LSMEM1: variants seen among roughly 807,000 people sequenced by gnomAD.
LSMEM1 encodes leucine rich single-pass membrane protein 1.
LSMEM1 carries 10 observed loss-of-function variants against 11.3 expected under a neutral mutation model. That is an observed-to-expected ratio of 0.89 (90% CI 0.55 to 1.50). The LOEUF is 1.50. Among genes scored for constraint, LSMEM1 ranks in the 40% most tolerant of loss-of-function variants. LSMEM1 has a pLI of 0.00. For missense variants in LSMEM1, 151 were observed against 152.9 expected (o/e 0.99, Z 0.06); for synonymous variants, 65 against 59.3 (o/e 1.10, Z -0.44).
intron 3 of LSMEM1, 135 bp from the exon 4 acceptor site, chr7:112,489,675 C>A: frequency 1.1e-6 from 1 of 942,968 alleles, no homozygotes. Flanking sequence ...GGGCTTCTGG[C>A]ATGCATGGAT....
rs982587048 is a variant in LSMEM1 at position 112,481,261 on chromosome 7, A to G, written c.-91A>G. The G allele has an allele frequency of 1.3e-5, 2 of 154,570 alleles. No individual in the cohort carries two copies. Among genetic ancestry groups the G allele is most frequent in the Admixed American group, 6.6e-5 (1 of 15,154 alleles). 9.6% of individuals were successfully genotyped at this position (154,570 alleles called of 1,614,324 possible). ...AGAATTTGTAGAAAAGTTTTGTTGTAGTTGCTTCTGAACAATTAGTTTTTG... is the reference window on the plus strand; with the variant it reads ...AGAATTTGTAGAAAAGTTTTGTTGTGGTTGCTTCTGAACAATTAGTTTTTG... On this transcript the variant is annotated 5_prime_UTR_variant, in exon 1 of 4. Coordinates refer to ENST00000312849, the MANE Select transcript of LSMEM1 (RefSeq NM_182597.3).
At chr7:112,480,353 C>T (rs1281018925), upstream of LSMEM1, among the ~76,000 whole-genome samples, 1 of 152,172 alleles carries the variant, frequency 6.6e-6, no homozygotes, top group African/African-American at 2.4e-5. Flanking sequence ...CTGGGCAACA[C>T]AGCAAGACTC....
chr7:112,483,369 T>G (rs1296603206), intron 1 of LSMEM1: 2 of 152,202 alleles, frequency 1.3e-5, no homozygotes, highest in Non-Finnish European at 2.9e-5. Context: ...CTGCCTCCAA[T>G]TCTTTTGAAA....
At chr7:112,486,782 A>G (rs1283106845) in intron 2 of LSMEM1, 141 bp from the exon 3 acceptor site, 1 of 1,212,468 alleles carries the variant, frequency 8.2e-7, no homozygotes, top group Non-Finnish European at 1.1e-6. Flanking sequence ...TCTCAAAAAA[A>G]AAGAGTCACT....
chr7:112,484,623 C>T (rs1013607002), intron 1 of LSMEM1, among the ~76,000 whole-genome samples, 189 bp from the exon 2 acceptor site: 1 of 152,112 alleles, frequency 6.6e-6, no homozygotes, highest in Non-Finnish European at 1.5e-5. Flanking sequence ...GCAAAAAGAA[C>T]GATTACAAAG....
chr7:112,489,927 A>T lies in LSMEM1; in HGVS notation c.374A>T (p.Gln125Leu). 1 of 1,613,666 alleles carries T rather than the reference A, an allele frequency of 6.2e-7. No homozygotes were observed. Among genetic ancestry groups the T allele is most frequent in the African/African-American group, 1.3e-5 (1 of 75,018 alleles). Residue 125 changes from glutamine to leucine, a missense_variant, in exon 4 of 4, where the codon CAA becomes CTA. Physicochemically the swap from Gln to Leu is moderately radical, Grantham distance 113 (BLOSUM62 -2). Transcript: ENST00000312849. ...MIVKRLNQLN[Q>L]LDSEQN ...GTAAAGCGACTCAACCAACTCAACC[A>T]ACTGGACTCTGAACAAAACTAAAGG...
intron 1 of LSMEM1, among the ~76,000 whole-genome samples, chr7:112,484,199 C>T (rs1389647155): frequency 6.6e-6 from 1 of 152,170 alleles, no homozygotes; most frequent in African/African-American, 2.4e-5. Context: ...GTCTTGGGGA[C>T]TCACAGTCAG....
intron 2 of LSMEM1, among the ~76,000 whole-genome samples, chr7:112,485,707 G>T (rs1238811774): frequency 6.6e-6 from 1 of 151,704 alleles, no homozygotes; most frequent in African/African-American, 2.4e-5. Flanking sequence ...AGAAGTTTAG[G>T]TGTCAGCCCT....
chr7:112,489,699 AT>A, intron 3 of LSMEM1, 110 bp from the exon 4 acceptor site: 1 of 1,254,100 alleles, frequency 8.0e-7, no homozygotes, highest in African/African-American at 1.5e-5. Context: ...GGAACAGGGG[AT>A]TTGCCAAGAG....
At position 112,487,079 on chromosome 7, in the gene LSMEM1, A is replaced by G. The variant is rs756868050; in HGVS notation, c.256+28A>G. ...AAGTACCACCACAGGTTTCTTTTTT[A>G]TTACTTGTATGCATTTATTCATAGC... On this transcript the variant is annotated intron_variant, in intron 3 of 3. Transcript: ENST00000312849. The G allele has an allele frequency of 1.7e-5, 27 of 1,608,268 alleles. No homozygotes were observed. In the South Asian group the frequency reaches 2.8e-4, roughly 16 times the overall value.
chr7:112,480,716 T>C, upstream of LSMEM1: 1 of 434,700 alleles, frequency 2.3e-6, no homozygotes, highest in Non-Finnish European at 4.6e-6. Flanking sequence ...GTGGTGGGTC[T>C]GTATCCATGA....
chr7:112,480,889 G>T (rs570105543), upstream of LSMEM1: 3 of 456,228 alleles, frequency 6.6e-6, no homozygotes, highest in South Asian at 3.1e-5. Flanking sequence ...GGCAGCTTCC[G>T]CCTGCTACAG....
chr7:112,483,811 G>A (rs1418370377), intron 1 of LSMEM1, among the ~76,000 whole-genome samples: 1 of 152,172 alleles, frequency 6.6e-6, no homozygotes, highest in Non-Finnish European at 1.5e-5. Flanking sequence ...CGGAAAGGAT[G>A]GGAACTAAAG....
chr7:112,489,837 T>C lies in LSMEM1; in HGVS notation c.284T>C (p.Val95Ala). 1.2e-6 allele frequency: 2 copies of C among 1,613,556 alleles called. No individual in the cohort carries two copies. Among genetic ancestry groups the C allele is most frequent in the Non-Finnish European group, 1.7e-6 (2 of 1,179,848 alleles). Residue 95 changes from valine (V) to alanine (A), a missense_variant, in exon 4 of 4, where the codon GTG becomes GCG. Physicochemically the swap from Val to Ala is moderately conservative, Grantham distance 64. Transcript: ENST00000312849. ...CAAACTGGAAACAAGATGGATGATG[T>C]GTCAAGAAGACTAACAGCTGAAGGA... is the stretch of plus-strand genomic sequence containing the variant. ...IVQTGNKMDD[V>A]SRRLTAEGKD...
At chr7:112,489,727 C>A in intron 3 of LSMEM1, 83 bp from the exon 4 acceptor site, 1 of 1,477,440 alleles carries the variant, frequency 6.8e-7, no homozygotes, top group Non-Finnish European at 9.2e-7. Context: ...TCAGCATCAG[C>A]TGAGCACCAA....
chr7:112,485,040 AG>A (rs1453830956), intron 2 of LSMEM1, 97 bp downstream of exon 2: 29 of 1,310,442 alleles, frequency 2.2e-5, no homozygotes, highest in Middle Eastern at 2.4e-4. Context: ...GTGGAGGGGG[AG>A]GGGGCATTAG....
intron 3 of LSMEM1, among the ~76,000 whole-genome samples, 199 bp downstream of exon 3, chr7:112,487,250 C>T (rs1267225888): frequency 1.3e-5 from 2 of 152,138 alleles, no homozygotes; most frequent in African/African-American, 4.8e-5. Context: ...CTGCAGAAGC[C>T]CATAGTGCCA....
chr7:112,484,736 C>T (rs1350288643), intron 1 of LSMEM1, 76 bp from the exon 2 acceptor site: 1 of 1,514,248 alleles, frequency 6.6e-7, no homozygotes, highest in African/African-American at 1.4e-5. Flanking sequence ...TGTCTGGCTT[C>T]CTGGTGGCTG....
At chr7:112,487,170 A>T (rs1287912511) in intron 3 of LSMEM1, 119 bp downstream of exon 3, 1 of 1,043,982 alleles carries the variant, frequency 9.6e-7, no homozygotes, top group African/African-American at 1.7e-5. Flanking sequence ...CAATGCTTAC[A>T]TTGAAAAAAG....
Sources: gnomAD v4.1 joint callset for allele counts (sites outside exome capture counted in the v4.1 genomes callset) on GRCh38, gnomAD v4.1.1 for gene constraint, MANE v1.5 for transcripts, NCBI Gene and HGNC (gene_info 2026-07-23, HGNC 2026-07-21) for gene names.